SLCO6A1: variants seen among roughly 807,000 people sequenced by gnomAD.
SLCO6A1 encodes the protein solute carrier organic anion transporter family member 6A1.
A neutral mutation model predicts 72.7 loss-of-function variants in SLCO6A1; 65 were observed. The observed-to-expected ratio is 0.89, with a 90% CI of 0.73 to 1.10. SLCO6A1 has a LOEUF of 1.10. Ranked by LOEUF, SLCO6A1 falls within the 50% of genes least tolerant of loss-of-function variation. SLCO6A1 has a pLI of 0.00. For missense variants in SLCO6A1, 874 were observed against 872.6 expected, an observed-to-expected ratio of 1.00 and a Z score of -0.02; for synonymous variants, 314 against 298.2, an observed-to-expected ratio of 1.05 and a Z score of -0.55.
chr5:102,388,917 C>G, intron 11 of SLCO6A1, 92 bp from the exon 12 acceptor site: 4 of 1,095,530 alleles, frequency 3.7e-6, no homozygotes, highest in Non-Finnish European at 3.8e-6. Flanking sequence ...TGAATGACGA[C>G]TCATCATTCA....
intron 8 of SLCO6A1, 89 bp from the exon 9 acceptor site, chr5:102,413,232 A>G (rs1422414663): frequency 8.0e-7 from 1 of 1,257,638 alleles, no homozygotes; most frequent in African/African-American, 1.6e-5. Context: ...TCCATAAAAT[A>G]TGCTTATTGA....
chr5:102,435,768 G>A (rs1051946341), intron 7 of SLCO6A1, among the ~76,000 whole-genome samples: 20 of 151,964 alleles, frequency 1.3e-4, no homozygotes, highest in Non-Finnish European at 2.1e-4. Context: ...CCAGCTACTC[G>A]GAAGGCTGAG....
chr5:102,388,478 C>T (rs1746540666), intron 12 of SLCO6A1, among the ~76,000 whole-genome samples: 1 of 152,064 alleles, frequency 6.6e-6, no homozygotes, highest in South Asian at 2.1e-4. Context: ...GCTGGGACTA[C>T]AAGTATGTGA....
At chr5:102,386,787 C>A (rs1414575341) in intron 12 of SLCO6A1, among the ~76,000 whole-genome samples, 1 of 152,144 alleles carries the variant, frequency 6.6e-6, no homozygotes, top group East Asian at 1.9e-4. Flanking sequence ...CAGGTGTCTG[C>A]CTAGAGCCTG....
chr5:102,405,115 T>G (rs1163097753), intron 9 of SLCO6A1, among the ~76,000 whole-genome samples: 1 of 152,058 alleles, frequency 6.6e-6, no homozygotes, highest in Non-Finnish European at 1.5e-5. Context: ...TGACATAATT[T>G]AAGTCCTCCA....
intron 4 of SLCO6A1, among the ~76,000 whole-genome samples, chr5:102,461,148 A>T (rs967811382): frequency 2.0e-5 from 3 of 151,760 alleles, no homozygotes; most frequent in Non-Finnish European, 1.5e-5. Flanking sequence ...AGGGAAATCA[A>T]CTAAAAAAAC....
At chr5:102,495,644 A>C (rs1752877148) in intron 1 of SLCO6A1, among the ~76,000 whole-genome samples, 1 of 152,092 alleles carries the variant, frequency 6.6e-6, no homozygotes, top group African/African-American at 2.4e-5. Context: ...AAAAAATAAA[A>C]TTGATTGCAC....
intron 7 of SLCO6A1, among the ~76,000 whole-genome samples, chr5:102,435,862 T>A (rs1471240138): frequency 6.9e-6 from 1 of 144,294 alleles, no homozygotes; most frequent in African/African-American, 2.6e-5. Flanking sequence ...GCAACAAGAG[T>A]GAAACTCCAT....
intron 12 of SLCO6A1, among the ~76,000 whole-genome samples, chr5:102,386,778 AG>A (rs1177533789): frequency 6.6e-6 from 1 of 152,186 alleles, no homozygotes; most frequent in East Asian, 1.9e-4. Context: ...TTTCCTCCAC[AG>A]GTGTCTGCCT....
At chr5:102,420,662 A>C (rs1375438495) in intron 7 of SLCO6A1, among the ~76,000 whole-genome samples, 4 of 152,200 alleles carry the variant, frequency 2.6e-5, no homozygotes, top group Non-Finnish European at 4.4e-5. Flanking sequence ...TCATACATTG[A>C]TGCAACTCCC....
intron 6 of SLCO6A1, among the ~76,000 whole-genome samples, chr5:102,454,360 C>T (rs137932144): frequency 1.3e-5 from 2 of 152,314 alleles, no homozygotes; most frequent in Admixed American, 1.3e-4. Context: ...TGAATAAATG[C>T]TTTCAATTTA....
intron 9 of SLCO6A1, among the ~76,000 whole-genome samples, chr5:102,407,637 C>G (rs1747743618): frequency 6.6e-6 from 1 of 152,108 alleles, no homozygotes; most frequent in African/African-American, 2.4e-5. Flanking sequence ...TTAAAATGTA[C>G]CGGGCTCCTC....
chr5:102,458,437 C>T lies in SLCO6A1; in HGVS notation c.1076G>A (p.Arg359Lys). The part of the protein sequence containing the change: ...KRKQLHFFDS[R>K]LKDLKLGTNI... ...AGTTCCAAGTTTCAGATCTTTAAGT[C>T]TGCTGTCAAAAAAATGAAGCTGTTT... Residue 359 changes from arginine to lysine, a missense_variant, in exon 6 of 14, where the codon AGA becomes AAA. By Grantham distance (26) the Arg-to-Lys change is conservative. Transcript: ENST00000506729. 1 of 1,612,966 alleles carries T rather than the reference C, an allele frequency of 6.2e-7. No individual in the cohort carries two copies.
chr5:102,411,211 T>A (rs1747958040), intron 9 of SLCO6A1, among the ~76,000 whole-genome samples: 1 of 151,900 alleles, frequency 6.6e-6, no homozygotes, highest in African/African-American at 2.4e-5. Flanking sequence ...GTTGGGATGA[T>A]GTAATATATA....
intron 12 of SLCO6A1, among the ~76,000 whole-genome samples, chr5:102,383,095 A>ATATATATATATATATATAT (rs1554064835): frequency 0.021 from 2,696 of 128,392 alleles, 60 homozygotes; most frequent in African/African-American, 0.038. Flanking sequence ...TATGTGTGTG[A>ATATATATATATATATATAT]ATATATATAT....
intron 11 of SLCO6A1, among the ~76,000 whole-genome samples, chr5:102,389,941 T>C (rs542834851): frequency 6.6e-6 from 1 of 152,272 alleles, no homozygotes; most frequent in South Asian, 2.1e-4. Flanking sequence ...AGTCTTGTTA[T>C]ATTGCCAAGG....
chr5:102,491,886 A>T (rs1466110615), intron 1 of SLCO6A1, among the ~76,000 whole-genome samples: 8 of 152,380 alleles, frequency 5.3e-5, no homozygotes, highest in African/African-American at 1.9e-4. Flanking sequence ...GGCTGTGAGG[A>T]CTGCCAGCAC....
chr5:102,445,040 CATGT>C (rs1463313394), intron 6 of SLCO6A1, among the ~76,000 whole-genome samples: 1 of 152,168 alleles, frequency 6.6e-6, no homozygotes, highest in Non-Finnish European at 1.5e-5. Context: ...CATATGCATG[CATGT>C]GTCTTTATGA....
At chr5:102,384,693 A>G (rs191947400) in intron 12 of SLCO6A1, among the ~76,000 whole-genome samples, 77 of 152,170 alleles carry the variant, frequency 5.1e-4, no homozygotes, top group African/African-American at 1.8e-3. Flanking sequence ...TTATTTTTTC[A>G]TACTTTTGTT....
Sources: gnomAD v4.1 joint callset for allele counts (sites outside exome capture counted in the v4.1 genomes callset) on GRCh38, gnomAD v4.1.1 for gene constraint, MANE v1.5 for transcripts, NCBI Gene and HGNC (gene_info 2026-07-23, HGNC 2026-07-21) for gene names.